The following PTCH1 variants were observed in gnomAD, a reference collection of about 807,000 sequenced individuals.
PTCH1 encodes protein patched homolog 1.
A neutral mutation model predicts 144.6 loss-of-function variants in PTCH1; 14 were observed. That is an observed-to-expected ratio of 0.10 (90% CI 0.06 to 0.15). The LOEUF (loss-of-function observed/expected upper bound fraction) is 0.15, where lower values mean the gene tolerates loss of function less well. Among genes scored for constraint, PTCH1 ranks in the 10% least tolerant of loss-of-function variants. PTCH1 has a pLI of 1.00. For synonymous variants in PTCH1, 833 were observed against 793.6 expected (o/e 1.05, Z -0.83); for missense variants, 1,623 against 1,948.3 (o/e 0.83, Z 3.14).
At chr9:95,483,425 A>AAAAG (rs1390012066) in intron 3 of PTCH1, 1 of 151,380 alleles carries the variant, frequency 6.6e-6, no homozygotes. Context: ...AAAAAAAAAA[A>AAAAG]AAAGAAAGAA....
At chr9:95,487,985 G>A (rs553283161) in intron 2 of PTCH1, among the ~76,000 whole-genome samples, 67 of 152,312 alleles carry the variant, frequency 4.4e-4, no homozygotes, top group Admixed American at 8.5e-4. Flanking sequence ...CAGAGCAGCC[G>A]CCTGTTAACT....
intron 3 of PTCH1, chr9:95,483,983 C>G (rs1403230138): frequency 6.6e-6 from 1 of 152,190 alleles, no homozygotes; most frequent in Non-Finnish European, 1.5e-5. Context: ...GACAAATGCT[C>G]TAATTAGTCT....
chr9:95,506,792 G>T, intron 1 of PTCH1, 193 bp from the exon 2 acceptor site: 1 of 1,099,066 alleles, frequency 9.1e-7, no homozygotes, highest in Non-Finnish European at 1.2e-6. Flanking sequence ...ATAAAGCCGG[G>T]CCGCAGCGTG....
chr9:95,494,899 G>C (rs925075807), intron 2 of PTCH1: 1 of 152,374 alleles, frequency 6.6e-6, no homozygotes, highest in Non-Finnish European at 1.5e-5. Flanking sequence ...CAGCTTCTGT[G>C]GGGCTGACAT....
In PTCH1 at chr9:95,458,399, C is replaced by T. The variant is rs1564020102; in HGVS notation, c.2888-106G>A. The T allele has an allele frequency of 2.2e-6, 3 of 1,369,072 alleles. No homozygotes were observed. The highest frequency in any genetic ancestry group is 3.0e-6 in the Non-Finnish European group (3 of 984,276). The allele number at this position is 1,369,072 out of a possible 1,614,324, so 84.8% of individuals were successfully genotyped here. The stretch of plus-strand genomic sequence containing the variant: ...GCATGAAAGCTTACTGACTGCTCTT[C>T]TACATGATACAAAGAACAAACAATG... On this transcript the variant is annotated intron_variant, in intron 17 of 23. Transcript: ENST00000331920. The surrounding 1 kb of genome is among the most constrained non-coding windows in gnomAD (Gnocchi z 4.7).
At chr9:95,486,581 A>C (rs1841979437) in intron 2 of PTCH1, among the ~76,000 whole-genome samples, 2 of 152,266 alleles carry the variant, frequency 1.3e-5, no homozygotes, top group Non-Finnish European at 2.9e-5. Context: ...GAAGCACCCC[A>C]GGTGACCCTG....
At position 95,453,603 on chromosome 9, in the gene PTCH1, G is replaced by A. The variant is rs748117539; in HGVS notation, c.3324C>T (p.Ile1108=). 5.0e-6 allele frequency: 8 copies of A among 1,613,804 alleles called. No individual in the cohort carries two copies. The highest frequency in any genetic ancestry group is 1.6e-4 in the Middle Eastern group (1 of 6,062). ...VHVALAFLTA[I]GDKNRRAVLA... is the part of the protein sequence containing the mutation. ...GCACAGCCCTGCGGTTCTTGTCGCC[G>A]ATGGCCGTCAGAAAGGCCTGTGCAA... is the stretch of plus-strand genomic sequence containing the variant. Residue 1108 remains isoleucine (I), a synonymous_variant, in exon 20 of 24, where the codon ATC becomes ATT. Coordinates refer to ENST00000331920, the MANE Select transcript of PTCH1 (RefSeq NM_000264.5).
chr9:95,455,337 A>G (rs1838817082), intron 19 of PTCH1, among the ~76,000 whole-genome samples: 1 of 152,250 alleles, frequency 6.6e-6, no homozygotes, highest in Non-Finnish European at 1.5e-5. Flanking sequence ...AGCCCAAAGG[A>G]AACCTGTGCT....
intron 16 of PTCH1, 112 bp from the exon 17 acceptor site, chr9:95,459,895 A>C: frequency 2.6e-6 from 3 of 1,165,010 alleles, no homozygotes; most frequent in Non-Finnish European, 3.8e-6. Flanking sequence ...AAAGAATAGA[A>C]TGCCTACTGT....
At chr9:95,467,033 G>C in intron 15 of PTCH1, 83 bp downstream of exon 15, 1 of 1,426,764 alleles carries the variant, frequency 7.0e-7, no homozygotes, top group Non-Finnish European at 9.8e-7. Flanking sequence ...CTAATCTAAC[G>C]CTCTCATAAT....
chr9:95,480,531 T>G lies in PTCH1; in HGVS notation c.804A>C (p.Leu268Phe), dbSNP rs1421389999. 1 of 1,613,670 alleles carries G rather than the reference T, an allele frequency of 6.2e-7. No individual in the cohort carries two copies. Among genetic ancestry groups the G allele is most frequent in the Non-Finnish European group, 8.5e-7 (1 of 1,179,960 alleles). The part of the protein sequence containing the change: ...NFDPLEFLEE[L>F]KKINYQVDSW... ...TGTCCACTTGATAGTTTATTTTCTT[T>G]AACTCTTCCAGGAATTCCAAAGGGT... The change falls in exon 6 of 24, where the codon TTA (leucine) becomes TTC (phenylalanine). Residue 268 changes from leucine to phenylalanine, a missense_variant. By Grantham distance (22) the Leu-to-Phe change is conservative. Coordinates refer to ENST00000331920, the MANE Select transcript of PTCH1 (RefSeq NM_000264.5).
intron 14 of PTCH1, 94 bp downstream of exon 14, chr9:95,468,657 A>T: frequency 6.0e-6 from 9 of 1,498,868 alleles, no homozygotes; most frequent in Admixed American, 1.9e-5. Context: ...TTTTTTTTTA[A>T]GGAAAAAGAA....
At chr9:95,505,630 TTTC>T (rs1843517862) in intron 2 of PTCH1, among the ~76,000 whole-genome samples, 1 of 152,152 alleles carries the variant, frequency 6.6e-6, no homozygotes, top group South Asian at 2.1e-4. Flanking sequence ...TCTTAAAACA[TTTC>T]TTTTCTTTGC....
chr9:95,478,790 T>G (rs560651981), intron 8 of PTCH1, among the ~76,000 whole-genome samples: 1 of 152,270 alleles, frequency 6.6e-6, no homozygotes, highest in South Asian at 2.1e-4. Context: ...ACTAAACATG[T>G]CTCAGGGCAC....
Position 95,446,187 on chromosome 9 carries a change from C to T in PTCH1, c.*206G>A, listed in dbSNP as rs945688429. On this transcript the variant is annotated 3_prime_UTR_variant, in exon 24 of 24. Transcript: ENST00000331920. ...ATCATACCACTTTACATCCTTCCTT[C>T]CTATATTACACATGTGTACATCTCT... The T allele has an allele frequency of 2.6e-5, 9 of 350,792 alleles. No homozygotes were observed. The highest frequency in any genetic ancestry group is 5.1e-5 in the Non-Finnish European group (9 of 178,028). 21.7% of individuals were successfully genotyped at this position (350,792 alleles called of 1,614,324 possible).
rs1588613596 is a variant in PTCH1, at chr9:95,481,821, T to C, written c.746+128A>G. On this transcript the variant is annotated intron_variant, in intron 5 of 23. Coordinates refer to ENST00000331920, the MANE Select transcript of PTCH1 (RefSeq NM_000264.5). ...CTCCCCCGACTATTCACTCAAAAAA[T>C]GCACATGGAATTTCAATGTTTTTAT... is the stretch of plus-strand genomic sequence containing the variant. The C allele has an allele frequency of 7.6e-6, 7 of 920,562 alleles. No individual in the cohort carries two copies. In the East Asian group the frequency reaches 1.3e-4, roughly 17 times the overall value. The allele number at this position is 920,562 out of a possible 1,614,324, so 57.0% of individuals were successfully genotyped here.
At chr9:95,475,318 G>C (rs1193564482) in intron 12 of PTCH1, among the ~76,000 whole-genome samples, 1 of 152,168 alleles carries the variant, frequency 6.6e-6, no homozygotes, top group Non-Finnish European at 1.5e-5. Flanking sequence ...TGGAAGGAGA[G>C]GACAAGTCAC....
At chr9:95,478,300 T>C in intron 8 of PTCH1, 114 bp from the exon 9 acceptor site, 12 of 1,501,574 alleles carry the variant, frequency 8.0e-6, no homozygotes, top group Non-Finnish European at 1.1e-5. Flanking sequence ...GATGCATTTT[T>C]TAAAAAAGTT....
At chr9:95,511,533 A>T (rs1409211600), upstream of PTCH1, among the ~76,000 whole-genome samples, 2 of 152,182 alleles carry the variant, frequency 1.3e-5, no homozygotes, top group Non-Finnish European at 2.9e-5. Flanking sequence ...GCCAGCGCGG[A>T]AATTCAAAAC....
Sources: gnomAD v4.1 joint callset for allele counts (sites outside exome capture counted in the v4.1 genomes callset) on GRCh38, gnomAD v4.1.1 for gene constraint, Gnocchi (gnomAD v3.1) non-coding constraint, MANE v1.5 for transcripts, NCBI Gene and HGNC (gene_info 2026-07-23, HGNC 2026-07-21) for gene names.